WDR47: variants seen among roughly 807,000 people sequenced by gnomAD.
WDR47 encodes WD repeat domain 47, also known as WD repeat-containing protein 47.
A neutral mutation model predicts 97.2 loss-of-function variants in WDR47; 32 were observed. The ratio of observed to expected loss-of-function variants is 0.33; its 90% confidence interval spans 0.25 to 0.44. WDR47 has a LOEUF of 0.44. Ranked by LOEUF, WDR47 falls within the 20% of genes least tolerant of loss-of-function variation. The pLI, the probability that WDR47 is intolerant of heterozygous loss-of-function variation, is 1.00. For synonymous variants in WDR47, 375 were observed against 373.5 expected (o/e 1.00, Z -0.05); for missense variants, 782 against 1,102.3 (o/e 0.71, Z 4.11).
At chr1:109,036,918 TC>T (rs1334588500) in intron 1 of WDR47, among the ~76,000 whole-genome samples, 1 of 152,172 alleles carries the variant, frequency 6.6e-6, no homozygotes, top group Non-Finnish European at 1.5e-5. Context: ...AACTAACAAT[TC>T]CCATCATCTA....
At chr1:108,990,703 T>C (rs1659264563) in intron 9 of WDR47, among the ~76,000 whole-genome samples, 1 of 151,820 alleles carries the variant, frequency 6.6e-6, no homozygotes, top group African/African-American at 2.4e-5. Flanking sequence ...AAAAGTAAGA[T>C]AGAGTGAAGC....
intron 1 of WDR47, among the ~76,000 whole-genome samples, chr1:109,033,261 C>G (rs1180491096): frequency 6.6e-6 from 1 of 152,064 alleles, no homozygotes; most frequent in Non-Finnish European, 1.5e-5. Flanking sequence ...CGCCACTACA[C>G]TCCAGCTTGG....
At chr1:108,984,042 C>T (rs529416323) in intron 10 of WDR47, among the ~76,000 whole-genome samples, 1 of 152,094 alleles carries the variant, frequency 6.6e-6, no homozygotes, top group Non-Finnish European at 1.5e-5. Context: ...ACTTTAGTGA[C>T]AATAAAATAT....
chr1:109,013,296 G>A (rs902205943), intron 4 of WDR47, among the ~76,000 whole-genome samples: 1 of 151,928 alleles, frequency 6.6e-6, no homozygotes, highest in Non-Finnish European at 1.5e-5. Flanking sequence ...CAGGTCAAAT[G>A]GACTAAGACA....
intron 1 of WDR47, 134 bp from the exon 2 acceptor site, chr1:109,023,655 T>A: frequency 1.1e-6 from 1 of 882,824 alleles, no homozygotes; most frequent in Non-Finnish European, 1.6e-6. Context: ...TAACTTAGTA[T>A]TTATCAAAAC....
At chr1:109,006,707 T>G (rs1660651623) in intron 5 of WDR47, among the ~76,000 whole-genome samples, 2 of 152,200 alleles carry the variant, frequency 1.3e-5, no homozygotes, top group South Asian at 4.1e-4. Context: ...GAGCTTGAAC[T>G]TGAACTCAGG....
At chr1:109,000,232 C>T (rs572947134) in intron 7 of WDR47, among the ~76,000 whole-genome samples, 1 of 151,924 alleles carries the variant, frequency 6.6e-6, no homozygotes, top group African/African-American at 2.4e-5. Flanking sequence ...ACAAAAAGGG[C>T]AGGCGCAGTG....
At chr1:108,975,777 A>G (rs1003945025) in intron 13 of WDR47, among the ~76,000 whole-genome samples, 1 of 152,162 alleles carries the variant, frequency 6.6e-6, no homozygotes, top group Non-Finnish European at 1.5e-5. Flanking sequence ...AAAAACAATA[A>G]ACAGCATAAA....
intron 13 of WDR47, 71 bp downstream of exon 13, chr1:108,981,662 G>A (rs1571144076): frequency 4.2e-6 from 6 of 1,432,810 alleles, no homozygotes; most frequent in East Asian, 4.9e-5. Context: ...TTATATTGCA[G>A]GGGAGAAGAA....
intron 3 of WDR47, among the ~76,000 whole-genome samples, chr1:109,015,027 A>G (rs1661313882): frequency 6.6e-6 from 1 of 152,158 alleles, no homozygotes; most frequent in Non-Finnish European, 1.5e-5. Context: ...AACCAATTGT[A>G]CAAAAGAGGT....
chr1:109,014,018 T>A, intron 3 of WDR47, 93 bp from the exon 4 acceptor site: 2 of 876,744 alleles, frequency 2.3e-6, no homozygotes, highest in Non-Finnish European at 3.5e-6. Context: ...TTAGGAAAAT[T>A]ATTCAAATAA....
intron 1 of WDR47, among the ~76,000 whole-genome samples, chr1:109,035,247 G>GAAAA (rs1174235842): frequency 1.5e-5 from 1 of 64,888 alleles, no homozygotes; most frequent in Non-Finnish European, 3.2e-5. Context: ...CCCTGTCTCA[G>GAAAA]AAAAAAAAAA....
intron 1 of WDR47, among the ~76,000 whole-genome samples, chr1:109,035,052 C>T (rs1662837468): frequency 6.8e-6 from 1 of 147,236 alleles, no homozygotes; most frequent in Non-Finnish European, 1.5e-5. Context: ...CTCAGGAGTT[C>T]AAGGCAACAT....
At chr1:108,989,252 G>A (rs138625261) in intron 9 of WDR47, among the ~76,000 whole-genome samples, 103 of 152,230 alleles carry the variant, frequency 6.8e-4, no homozygotes, top group Non-Finnish European at 1.3e-3. Flanking sequence ...ACCAAACCCC[G>A]GCTTTGAGAA....
intron 7 of WDR47, among the ~76,000 whole-genome samples, chr1:109,000,698 C>T (rs1403199768): frequency 2.0e-5 from 3 of 151,114 alleles, no homozygotes. Flanking sequence ...AACAAACAAA[C>T]AAAAAACAAA....
chr1:108,974,881 A>C, intron 13 of WDR47, 127 bp from the exon 14 acceptor site: 1 of 773,680 alleles, frequency 1.3e-6, no homozygotes, highest in South Asian at 1.9e-5. Context: ...TTCAGCGATG[A>C]AAAAATCCAA....
At chr1:109,005,807 T>C (rs2101918357) in intron 5 of WDR47, among the ~76,000 whole-genome samples, 1 of 152,056 alleles carries the variant, frequency 6.6e-6, no homozygotes, top group South Asian at 2.1e-4. Context: ...AGGCAGAGGT[T>C]ACAGCGAGCC....
chr1:109,003,624 C>G (rs1660370141), intron 6 of WDR47, among the ~76,000 whole-genome samples: 1 of 152,106 alleles, frequency 6.6e-6, no homozygotes, highest in African/African-American at 2.4e-5. Context: ...GCCTCAGCCT[C>G]CCAAGTAGCT....
At chr1:109,011,800 A>G in intron 4 of WDR47, 82 bp from the exon 5 acceptor site, 1 of 1,293,948 alleles carries the variant, frequency 7.7e-7, no homozygotes, top group Non-Finnish European at 1.1e-6. Flanking sequence ...TACAAAGAAT[A>G]AATTATATTG....
Sources: gnomAD v4.1 joint callset for allele counts (sites outside exome capture counted in the v4.1 genomes callset) on GRCh38, gnomAD v4.1.1 for gene constraint, MANE v1.5 for transcripts, NCBI Gene and HGNC (gene_info 2026-07-23, HGNC 2026-07-21) for gene names.